Variants in POU6F1 observed in about 807,000 individuals in gnomAD.
POU6F1 encodes POU class 6 homeobox 1.
POU6F1 carries 9 observed loss-of-function variants against 28.9 expected under a neutral mutation model. The ratio of observed to expected loss-of-function variants is 0.31; its 90% CI spans 0.19 to 0.54. POU6F1 has a LOEUF of 0.54. Among genes scored for constraint, POU6F1 ranks in the 20% least tolerant of loss-of-function variants. The pLI is 0.94. For synonymous variants in POU6F1, 173 were observed against 171.1 expected, an observed-to-expected ratio of 1.01 and a Z score of -0.09; for missense variants, 338 against 426.1, an observed-to-expected ratio of 0.79 and a Z score of 1.82.
chr12:51,190,050 C>T lies in POU6F1; in HGVS notation c.*197G>A, dbSNP rs1942285161. The T allele has an allele frequency of 2.9e-6, 3 of 1,026,720 alleles. No homozygotes were observed. Among genetic ancestry groups the T allele is most frequent in the Non-Finnish European group, 4.1e-6 (3 of 732,000 alleles). The allele number at this position is 1,026,720 out of a possible 1,614,324, so 63.6% of individuals were successfully genotyped here. A position where few individuals can be genotyped will look rare whatever the true frequency, so the allele number is the denominator to read the frequency against. ...CCAGAGCCTGGAGCTCTCGTGTGGC[C>T]CCCTCTGGCCTCCCCATGATGTGAG... On this transcript the variant is annotated 3_prime_UTR_variant, in exon 11 of 11. Coordinates refer to ENST00000333640, the MANE Select transcript of POU6F1 (RefSeq NM_001330422.2). This position sits in a 1 kb window ranked among gnomAD's most constrained non-coding sequence, Gnocchi z 4.5.
chr12:51,216,983 C>T (rs371334181), intron 1 of POU6F1, among the ~76,000 whole-genome samples: 45 of 152,024 alleles, frequency 3.0e-4, no homozygotes, highest in African/African-American at 1.0e-3. Flanking sequence ...TGCATCGGGC[C>T]CATTATTATG....
chr12:51,209,229 C>A (rs1201978125), intron 1 of POU6F1, among the ~76,000 whole-genome samples: 1 of 152,232 alleles, frequency 6.6e-6, no homozygotes, highest in Non-Finnish European at 1.5e-5. Context: ...TCACCACTGT[C>A]TAGTCCCAGA....
rs1462584071 is a variant in POU6F1 at position 51,217,195 on chromosome 12, G to A, written c.-48+447C>T. 6.6e-6 allele frequency among the ~76,000 whole-genome samples: 1 copy of A among 152,118 alleles called. No homozygotes were observed. Among genetic ancestry groups the A allele is most frequent in the Non-Finnish European group, 1.5e-5 (1 of 68,010 alleles). The stretch of plus-strand genomic sequence containing the variant: ...CCGCCCCAGCTGGCCCTAACCGCCG[G>A]GAACCCAGGCGTCCGTGTTCTCCAG... On this transcript the variant is annotated intron_variant, in intron 1 of 10. Transcript: ENST00000333640. This position sits in a 1 kb window ranked among gnomAD's most constrained non-coding sequence, Gnocchi z 5.3.
rs1446410538 is a variant in POU6F1, at chr12:51,217,316, AG to A, written c.-48+325del. 1.3e-5 allele frequency among the ~76,000 whole-genome samples: 2 copies of A among 152,064 alleles called. No individual in the cohort carries two copies. Among genetic ancestry groups the A allele is most frequent in the African/African-American group, 4.8e-5 (2 of 41,434 alleles). On this transcript the variant is annotated intron_variant, in intron 1 of 10. Coordinates refer to ENST00000333640, the MANE Select transcript of POU6F1 (RefSeq NM_001330422.2). This position sits in a 1 kb window ranked among gnomAD's most constrained non-coding sequence, Gnocchi z 5.3. ...AAGGGCTCCAGGGGCAGAAACGGGG[AG>A]GGGCCAGGTCGGGGTTCCCCACCGG...
chr12:51,188,245 A>G lies in POU6F1; in HGVS notation c.*2002T>C, dbSNP rs1942156637. On this transcript the variant is annotated 3_prime_UTR_variant, in exon 11 of 11. Coordinates refer to ENST00000333640, the MANE Select transcript of POU6F1 (RefSeq NM_001330422.2). ...GCCTGGCCTAATTTACTGAAGTGTC[A>G]GTCACTGAATCCTTTACAAGCTCTG... 6.6e-6 allele frequency: 1 copy of G among 152,230 alleles called. No homozygotes were observed. Among genetic ancestry groups the G allele is most frequent in the Non-Finnish European group, 1.5e-5 (1 of 68,030 alleles). The allele number at this position is 152,230 out of a possible 1,614,324, so 9.4% of individuals were successfully genotyped here.
Position 51,217,884 on chromosome 12 carries a change from A to T in POU6F1, c.-290T>A, listed in dbSNP as rs1213562474. ...GAGCCGAAGGGGGCTCCGCAGGCTA[A>T]GCCGGGCGGAGAGGGGACGGCCGGG... is the stretch of plus-strand genomic sequence containing the variant. On this transcript the variant is annotated 5_prime_UTR_variant, in exon 1 of 11. Transcript: ENST00000333640. This position sits in a 1 kb window ranked among gnomAD's most constrained non-coding sequence, Gnocchi z 5.3. Among the ~76,000 whole-genome samples the T allele has an allele frequency of 2.0e-5, 3 of 151,660 alleles. No individual in the cohort carries two copies. The highest frequency in any genetic ancestry group is 7.3e-5 in the African/African-American group (3 of 41,346).
intron 1 of POU6F1, among the ~76,000 whole-genome samples, chr12:51,213,232 C>T (rs926822667): frequency 2.0e-5 from 3 of 151,352 alleles, no homozygotes; most frequent in Admixed American, 1.3e-4. Flanking sequence ...CCACCGCGCC[C>T]GGCCTCTAAT....
rs867672244 is a variant in POU6F1, at chr12:51,197,872, C to T, written c.744G>A (p.Pro248=). 15 of 405,112 alleles carry T rather than the reference C, an allele frequency of 3.7e-5. No individual in the cohort carries two copies. Among genetic ancestry groups the T allele is most frequent in the Non-Finnish European group, 6.5e-5 (15 of 230,416 alleles). The allele number at this position is 405,112 out of a possible 1,614,324, so 25.1% of individuals were successfully genotyped here. A position where few individuals can be genotyped will look rare whatever the true frequency, so the allele number is the denominator to read the frequency against. ...PLLQTTPAIL[P]QPTAATAAAP... ...CAGCAGCGGTGGCAGCAGTGGGCTG[C>T]GGGAGGATGGCAGGTGTGGTCTGCA... The change falls in exon 6 of 11, where the codon CCG becomes CCA. Residue 248 remains proline, a synonymous_variant. Transcript: ENST00000333640.
rs1044805694 is a variant in POU6F1, at chr12:51,188,912, A to G, written c.*1335T>C. The stretch of plus-strand genomic sequence containing the variant: ...TTCTCTCCTGACTTCCTGGAGTTAC[A>G]TACTGAATTTTAGGGGCTTTCCAGC... On this transcript the variant is annotated 3_prime_UTR_variant, in exon 11 of 11. Transcript: ENST00000333640. The G allele has an allele frequency of 3.9e-5, 6 of 152,176 alleles. No homozygotes were observed. The highest frequency in any genetic ancestry group is 1.2e-4 in the African/African-American group (5 of 41,436). 9.4% of individuals were successfully genotyped at this position (152,176 alleles called of 1,614,324 possible).
chr12:51,215,629 G>A (rs1387851739), intron 1 of POU6F1, among the ~76,000 whole-genome samples: 1 of 150,776 alleles, frequency 6.6e-6, no homozygotes, highest in Non-Finnish European at 1.5e-5. Context: ...GACCACACTG[G>A]CCCCTTCCTA....
chr12:51,193,631 C>A (rs1942601077), intron 8 of POU6F1, among the ~76,000 whole-genome samples: 1 of 151,856 alleles, frequency 6.6e-6, no homozygotes. Context: ...TGGAATAATG[C>A]CTTTAAGAAA....
At chr12:51,197,580 G>A (rs1040720704) in intron 6 of POU6F1, among the ~76,000 whole-genome samples, 190 bp downstream of exon 6, 1 of 152,194 alleles carries the variant, frequency 6.6e-6, no homozygotes, top group African/African-American at 2.4e-5. Flanking sequence ...GAGGTTGTCT[G>A]CTTTTATCTG....
chr12:51,198,920 A>G, intron 4 of POU6F1, 145 bp from the exon 5 acceptor site: 1 of 396,084 alleles, frequency 2.5e-6, no homozygotes. Flanking sequence ...AGGATGGGGA[A>G]GAGCCAAACC....
chr12:51,187,876 T>G lies in POU6F1; in HGVS notation c.*2371A>C, dbSNP rs963103150. On this transcript the variant is annotated 3_prime_UTR_variant, in exon 11 of 11. Coordinates refer to ENST00000333640, the MANE Select transcript of POU6F1 (RefSeq NM_001330422.2). ...GTGCCAGCTGTGACCCATTTGTCTC[T>G]CTCAAAAAAGAAAGCATACCTGAAT... The G allele has an allele frequency of 6.6e-6, 1 of 152,140 alleles. No homozygotes were observed. Among genetic ancestry groups the G allele is most frequent in the African/African-American group, 2.4e-5 (1 of 41,408 alleles). 9.4% of individuals were successfully genotyped at this position (152,140 alleles called of 1,614,324 possible).
In POU6F1 at chr12:51,190,386, T is replaced by G. The variant is rs760698975; in HGVS notation, c.1697A>C (p.Asn566Thr). The G allele has an allele frequency of 3.7e-6, 6 of 1,613,982 alleles. No individual in the cohort carries two copies. In the East Asian group the frequency reaches 1.3e-4, roughly 36 times the overall value. The change falls in exon 11 of 11, where the codon AAC becomes ACC. Residue 566 changes from asparagine (N) to threonine (T), a missense_variant. Coordinates refer to ENST00000333640, the MANE Select transcript of POU6F1 (RefSeq NM_001330422.2). This position sits in a 1 kb window ranked among gnomAD's most constrained non-coding sequence, Gnocchi z 4.5. ...IEALNAYFEK[N>T]PLPTGQEITE... ...GATCTCCTGGCCTGTGGGCAGTGGG[T>G]TCTTCTCAAAATAGGCATTGAGAGC... is the stretch of plus-strand genomic sequence containing the variant.
chr12:51,196,929 T>C lies in POU6F1; in HGVS notation c.847-2A>G. 6.5e-7 allele frequency: 1 copy of C among 1,550,062 alleles called. No individual in the cohort carries two copies. Among genetic ancestry groups the C allele is most frequent in the Non-Finnish European group, 8.9e-7 (1 of 1,125,304 alleles). On this transcript the variant is annotated splice_acceptor_variant, in intron 6 of 10. Transcript: ENST00000333640. LOFTEE classifies it high-confidence loss of function. ...TCCCCCGAGGGAAGCAGCACTGATCTGTGGGTGGAGGAAGAGCCTTGCTCA... is the reference window on the plus strand; with the variant it reads ...TCCCCCGAGGGAAGCAGCACTGATCCGTGGGTGGAGGAAGAGCCTTGCTCA...
chr12:51,194,477 C>T (rs1942669225), intron 8 of POU6F1, among the ~76,000 whole-genome samples: 1 of 151,978 alleles, frequency 6.6e-6, no homozygotes. Context: ...CCTGTCTCTA[C>T]AAAACATACA....
At chr12:51,216,997 A>AT (rs1944323285) in intron 1 of POU6F1, among the ~76,000 whole-genome samples, 1 of 152,108 alleles carries the variant, frequency 6.6e-6, no homozygotes, top group South Asian at 2.1e-4. Flanking sequence ...TATTATGACT[A>AT]TTTATTAATA....
chr12:51,212,455 G>A (rs1439386234), intron 1 of POU6F1, among the ~76,000 whole-genome samples: 1 of 151,664 alleles, frequency 6.6e-6, no homozygotes, highest in East Asian at 1.9e-4. Flanking sequence ...GGAATTCAAT[G>A]GGGAAAACAC....
Sources: gnomAD v4.1 joint callset for allele counts (sites outside exome capture counted in the v4.1 genomes callset) on GRCh38, gnomAD v4.1.1 for gene constraint, Gnocchi (gnomAD v3.1) non-coding constraint, MANE v1.5 for transcripts, NCBI Gene and HGNC (gene_info 2026-07-23, HGNC 2026-07-21) for gene names.